Variants in PRKN observed in about 807,000 individuals in gnomAD.
The protein encoded by PRKN is E3 ubiquitin-protein ligase parkin.
In PRKN, 56 loss-of-function variants were observed where a neutral mutation model predicts 59.5. The ratio of observed to expected loss-of-function variants is 0.94; its 90% CI spans 0.76 to 1.18. PRKN has a LOEUF of 1.18. Among genes scored for constraint, PRKN ranks in the 50% most tolerant of loss-of-function variants. The probability of loss-of-function intolerance (pLI) is 0.00; values close to 1 mark genes in which losing one functional copy is unlikely to be tolerated. For missense variants in PRKN, 657 were observed against 596.4 expected (o/e 1.10, Z -1.06); for synonymous variants, 250 against 222.1 (o/e 1.13, Z -1.12).
At chr6:162,263,663 A>G (rs1014556282) in intron 2 of PRKN, among the ~76,000 whole-genome samples, 3 of 152,214 alleles carry the variant, frequency 2.0e-5, no homozygotes, top group Admixed American at 2.0e-4. Flanking sequence ...CAGAATATCT[A>G]CTACATAGGG....
At chr6:162,329,969 TTCTTCTTAAGGCTTTCCAACAGCA>T (rs1783500442) in intron 2 of PRKN, among the ~76,000 whole-genome samples, 1 of 152,136 alleles carries the variant, frequency 6.6e-6, no homozygotes, top group African/African-American at 2.4e-5. Context: ...AACATCCGAT[TTCTTCTTAAGGCTTTCCAACAGCA>T]AGAACTTTGC....
chr6:161,681,299 G>C (rs1421644216), intron 7 of PRKN, among the ~76,000 whole-genome samples: 2 of 152,104 alleles, frequency 1.3e-5, no homozygotes, highest in African/African-American at 2.4e-5. Context: ...TGCTTTTGTG[G>C]CCAAAATGCA....
intron 1 of PRKN, among the ~76,000 whole-genome samples, chr6:162,650,436 A>C (rs897766327): frequency 6.6e-6 from 1 of 151,622 alleles, no homozygotes; most frequent in East Asian, 1.9e-4. Context: ...GTCTCTACTA[A>C]AAATACAAAA....
chr6:162,235,802 CAAAG>C (rs995003795), intron 3 of PRKN, among the ~76,000 whole-genome samples: 29 of 137,890 alleles, frequency 2.1e-4, no homozygotes, highest in Non-Finnish European at 2.6e-4. Context: ...GACTCTGTCT[CAAAG>C]AAAGAAAGAA....
At chr6:161,896,187 G>A (rs573566459) in intron 6 of PRKN, among the ~76,000 whole-genome samples, 1 of 152,244 alleles carries the variant, frequency 6.6e-6, no homozygotes, top group South Asian at 2.1e-4. Flanking sequence ...ATTGAAGGTG[G>A]CCATGAATTC....
chr6:161,712,034 C>A (rs2128182693), intron 7 of PRKN, among the ~76,000 whole-genome samples: 1 of 152,266 alleles, frequency 6.6e-6, no homozygotes, highest in East Asian at 1.9e-4. Context: ...TCATGTGAGT[C>A]AATTATCTTT....
chr6:161,517,198 T>C (rs1344745379), intron 9 of PRKN, among the ~76,000 whole-genome samples: 1 of 152,150 alleles, frequency 6.6e-6, no homozygotes, highest in Admixed American at 6.5e-5. Flanking sequence ...GAGTTCATGA[T>C]TGACAAGTGT....
chr6:161,662,009 C>T (rs987608294), intron 7 of PRKN, among the ~76,000 whole-genome samples: 11 of 151,898 alleles, frequency 7.2e-5, no homozygotes, highest in East Asian at 1.9e-4. Context: ...GGCAACAGAG[C>T]GAGACTCTGT....
intron 1 of PRKN, among the ~76,000 whole-genome samples, chr6:162,611,904 A>G (rs1032816625): frequency 2.0e-5 from 3 of 152,128 alleles, no homozygotes; most frequent in South Asian, 2.1e-4. Flanking sequence ...GAAATGATAC[A>G]GCGGGGCGTG....
chr6:162,348,900 T>C (rs1784511741), intron 2 of PRKN, among the ~76,000 whole-genome samples: 1 of 152,082 alleles, frequency 6.6e-6, no homozygotes, highest in Non-Finnish European at 1.5e-5. Flanking sequence ...AGACATAAAT[T>C]ATAACATCAG....
intron 9 of PRKN, among the ~76,000 whole-genome samples, chr6:161,394,231 G>T (rs1786645410): frequency 6.6e-6 from 1 of 152,218 alleles, no homozygotes; most frequent in Non-Finnish European, 1.5e-5. Context: ...CTCTCATGGT[G>T]TGAGGCAATC....
At chr6:162,091,714 A>T (rs1583019395) in intron 4 of PRKN, among the ~76,000 whole-genome samples, 1 of 152,126 alleles carries the variant, frequency 6.6e-6, no homozygotes, top group Non-Finnish European at 1.5e-5. Flanking sequence ...ATTGTGTAGC[A>T]CTATGTTTTG....
At chr6:161,956,778 G>T (rs955464464) in intron 6 of PRKN, among the ~76,000 whole-genome samples, 6 of 152,104 alleles carry the variant, frequency 3.9e-5, no homozygotes, top group African/African-American at 1.4e-4. Flanking sequence ...AAAAACCAAT[G>T]TGTGTGATGG....
intron 2 of PRKN, among the ~76,000 whole-genome samples, chr6:162,359,070 A>AT (rs1447867173): frequency 1.7e-3 from 187 of 110,182 alleles, no homozygotes; most frequent in African/African-American, 5.3e-3. Context: ...AAAAAAAAAA[A>AT]AAAAAAAAAA....
At chr6:162,549,800 G>A (rs562569321) in intron 1 of PRKN, among the ~76,000 whole-genome samples, 4 of 152,100 alleles carry the variant, frequency 2.6e-5, no homozygotes, top group Non-Finnish European at 4.4e-5. Context: ...CACCATGCCT[G>A]GCTAATTTTT....
intron 9 of PRKN, among the ~76,000 whole-genome samples, chr6:161,520,359 G>A (rs1034720787): frequency 4.6e-5 from 7 of 151,634 alleles, no homozygotes; most frequent in Non-Finnish European, 1.0e-4. Context: ...TAAGTAGCTG[G>A]GATTACAGGT....
intron 2 of PRKN, among the ~76,000 whole-genome samples, chr6:162,301,888 A>G (rs934075653): frequency 2.6e-5 from 4 of 151,446 alleles, no homozygotes; most frequent in African/African-American, 9.7e-5. Flanking sequence ...TTCAGGTCTC[A>G]GGTCTTATTT....
intron 7 of PRKN, among the ~76,000 whole-genome samples, chr6:161,611,424 G>A (rs1421890308): frequency 1.3e-5 from 2 of 152,178 alleles, no homozygotes; most frequent in African/African-American, 4.8e-5. Flanking sequence ...TCCCAACAGT[G>A]TGTGCTCACT....
intron 7 of PRKN, among the ~76,000 whole-genome samples, chr6:161,666,271 C>T (rs188914931): frequency 6.6e-6 from 1 of 152,140 alleles, no homozygotes; most frequent in Non-Finnish European, 1.5e-5. Flanking sequence ...GAATTATCAC[C>T]CGAGCTCCAC....
Sources: allele counts gnomAD v4.1 joint callset (sites outside exome capture counted in the v4.1 genomes callset), GRCh38; gene constraint gnomAD v4.1.1; transcripts MANE v1.5; gene names NCBI Gene and HGNC (gene_info 2026-07-23, HGNC 2026-07-21).